The following RBFOX3 variants were observed in gnomAD, a reference collection of about 807,000 sequenced individuals.
The protein encoded by RBFOX3 is RNA binding fox-1 homolog 3, also known as RNA binding protein fox-1 homolog 3.
A neutral mutation model predicts 48.7 loss-of-function variants in RBFOX3; 17 were observed. That is an observed-to-expected ratio of 0.35 (90% confidence interval 0.24 to 0.52). The LOEUF is 0.52. Among genes scored for constraint, RBFOX3 ranks in the 20% least tolerant of loss-of-function variants. The pLI is 0.94. For synonymous variants in RBFOX3, 212 were observed against 209.5 expected (o/e 1.01, Z -0.10); for missense variants, 382 against 497.5 (o/e 0.77, Z 2.21).
In RBFOX3 at chr17:79,299,050, G is replaced by A. The variant is rs2074876616; in HGVS notation, c.-74+8674C>T. 6.6e-6 allele frequency among the ~76,000 whole-genome samples: 1 copy of A among 152,160 alleles called. No individual in the cohort carries two copies. The highest frequency in any genetic ancestry group is 6.5e-5 in the Admixed American group (1 of 15,276). The stretch of plus-strand genomic sequence containing the variant: ...GAGAGGTTTGTTTGGATTCAGCATT[G>A]CTGAAATCCTCCCTGGCAGCAGATG... On this transcript the variant is annotated intron_variant, in intron 3 of 14. Coordinates refer to ENST00000693108, the MANE Select transcript of RBFOX3 (RefSeq NM_001350451.2). The surrounding 1 kb of genome is among the most constrained non-coding windows in gnomAD (Gnocchi z 4.5).
At chr17:79,308,807 T>A (rs900275437) in intron 2 of RBFOX3, among the ~76,000 whole-genome samples, 2 of 144,772 alleles carry the variant, frequency 1.4e-5, no homozygotes, top group Admixed American at 6.9e-5. Context: ...TTTCCCAGTC[T>A]CCACAACTGT....
chr17:79,580,272 TC>T (rs1190997158), intron 1 of RBFOX3, among the ~76,000 whole-genome samples: 599 of 45,384 alleles, frequency 0.013, 14 homozygotes, highest in African/African-American at 0.045. Context: ...GTCCTCCTCC[TC>T]CCCCCCCATC....
At chr17:79,461,235 C>G (rs1476513484) in intron 2 of RBFOX3, among the ~76,000 whole-genome samples, 1 of 152,208 alleles carries the variant, frequency 6.6e-6, no homozygotes, top group African/African-American at 2.4e-5. Context: ...CCACTGAAGG[C>G]CCAGGATTCA....
intron 4 of RBFOX3, among the ~76,000 whole-genome samples, chr17:79,167,065 A>AC (rs2145566393): frequency 6.6e-6 from 1 of 152,202 alleles, no homozygotes; most frequent in African/African-American, 2.4e-5. Context: ...CGGGCACGTC[A>AC]CCCCCACGAC....
chr17:79,121,406 C>A (rs1166056475), intron 4 of RBFOX3, among the ~76,000 whole-genome samples: 2 of 152,192 alleles, frequency 1.3e-5, no homozygotes, highest in Non-Finnish European at 2.9e-5. Flanking sequence ...CAATTCACCA[C>A]CTCCCTTAGA....
intron 4 of RBFOX3, among the ~76,000 whole-genome samples, chr17:79,170,482 G>A (rs150092017): frequency 6.6e-6 from 1 of 152,078 alleles, no homozygotes. Flanking sequence ...TTGAGGGCTG[G>A]GGGGGCAAGG....
chr17:79,357,421 A>G (rs1233219016), intron 2 of RBFOX3, among the ~76,000 whole-genome samples: 1 of 152,216 alleles, frequency 6.6e-6, no homozygotes, highest in Non-Finnish European at 1.5e-5. Context: ...TGAGGTCAGG[A>G]GCTTGAGACT....
intron 4 of RBFOX3, among the ~76,000 whole-genome samples, chr17:79,191,042 T>C (rs2054421655): frequency 6.6e-6 from 1 of 152,170 alleles, no homozygotes; most frequent in Admixed American, 6.5e-5. Flanking sequence ...TAGAGACCCA[T>C]GGGAAGAGGT....
intron 2 of RBFOX3, among the ~76,000 whole-genome samples, chr17:79,346,131 C>T (rs181101522): frequency 6.6e-6 from 1 of 152,212 alleles, no homozygotes; most frequent in Admixed American, 6.5e-5. Flanking sequence ...TCATGTTGGC[C>T]AGGCTGGTCT....
At chr17:79,413,301 G>C (rs752780261) in intron 2 of RBFOX3, among the ~76,000 whole-genome samples, 18 of 152,232 alleles carry the variant, frequency 1.2e-4, no homozygotes, top group African/African-American at 1.7e-4. Context: ...CCGTGACTTA[G>C]ACTCCAAATT....
At chr17:79,228,204 G>A (rs1224260099) in intron 4 of RBFOX3, among the ~76,000 whole-genome samples, 1 of 152,150 alleles carries the variant, frequency 6.6e-6, no homozygotes, top group Non-Finnish European at 1.5e-5. Context: ...CCTCCCTGGC[G>A]CTATCCGTGG....
chr17:79,456,707 C>G (rs2074554579), intron 2 of RBFOX3, among the ~76,000 whole-genome samples: 1 of 152,176 alleles, frequency 6.6e-6, no homozygotes, highest in Non-Finnish European at 1.5e-5. Flanking sequence ...GGAGTTCCCA[C>G]CACACTTGAA....
chr17:79,563,722 C>T (rs1418511980), intron 1 of RBFOX3, among the ~76,000 whole-genome samples: 2 of 152,164 alleles, frequency 1.3e-5, no homozygotes, highest in African/African-American at 2.4e-5. Flanking sequence ...TTAAACCAAT[C>T]CATCTTCAGT....
intron 2 of RBFOX3, among the ~76,000 whole-genome samples, chr17:79,464,781 G>A (rs62061746): frequency 0.035 from 5,266 of 152,298 alleles, 127 homozygotes; most frequent in South Asian, 0.054. Context: ...TTCCCTCCGC[G>A]GCCCCGAGGA....
Position 79,522,382 on chromosome 17 carries a change from A to G in RBFOX3, c.-319-39784T>C, listed in dbSNP as rs1242228302. ...CATCCTCAGGAGCTAGAGGCCCCCA[A>G]ACTTCACGTCCAGACACAAACTCTC... On this transcript the variant is annotated intron_variant, in intron 1 of 14. Coordinates refer to ENST00000693108, the MANE Select transcript of RBFOX3 (RefSeq NM_001350451.2). 5.3e-5 allele frequency among the ~76,000 whole-genome samples: 8 copies of G among 152,222 alleles called. No homozygotes were observed. The East Asian group carries it at 5.8e-4, about 11-fold the overall frequency.
chr17:79,630,335 C>G, the RBFOX3 span, among the ~76,000 whole-genome samples: 717 of 152,324 alleles, frequency 4.7e-3, 2 homozygotes, highest in Non-Finnish European at 7.9e-3. Context: ...ATGATGCAAA[C>G]AAGTCATCGC....
intron 3 of RBFOX3, among the ~76,000 whole-genome samples, chr17:79,246,650 G>A (rs544692034): frequency 6.6e-6 from 1 of 152,332 alleles, no homozygotes; most frequent in South Asian, 2.1e-4. Flanking sequence ...ATGTTCACAG[G>A]CACAGCCGGG....
chr17:79,467,398 C>T (rs891201685), intron 2 of RBFOX3, among the ~76,000 whole-genome samples: 1 of 152,256 alleles, frequency 6.6e-6, no homozygotes, highest in South Asian at 2.1e-4. Flanking sequence ...ACTCAAAGAA[C>T]CTTGCTTCCA....
At chr17:79,280,698 C>T (rs1233499420) in intron 3 of RBFOX3, among the ~76,000 whole-genome samples, 2 of 152,018 alleles carry the variant, frequency 1.3e-5, no homozygotes, top group Non-Finnish European at 1.5e-5. Context: ...CCTTGGGGCG[C>T]ACGGCAGGCG....
Sources: allele counts gnomAD v4.1 joint callset (sites outside exome capture counted in the v4.1 genomes callset), GRCh38; gene constraint gnomAD v4.1.1; non-coding constraint Gnocchi (gnomAD v3.1); transcripts MANE v1.5; gene names NCBI Gene and HGNC (gene_info 2026-07-23, HGNC 2026-07-21).